PRKCE: variants seen among roughly 807,000 people sequenced by gnomAD.
PRKCE encodes protein kinase C epsilon type.
Under a neutral mutation model 85.4 loss-of-function variants are expected in PRKCE, and 16 were observed. The observed-to-expected ratio is 0.19, with a 90% CI of 0.13 to 0.28. The LOEUF (loss-of-function observed/expected upper bound fraction) is 0.28. Among genes scored for constraint, PRKCE ranks in the 10% least tolerant of loss-of-function variants. PRKCE has a pLI of 1.00. For missense variants in PRKCE, 573 were observed against 975.2 expected (o/e 0.59, Z 5.49); for synonymous variants, 388 against 371.5 (o/e 1.04, Z -0.51).
intron 1 of PRKCE, among the ~76,000 whole-genome samples, chr2:45,656,135 T>C (rs1044924974): frequency 6.6e-6 from 1 of 152,236 alleles, no homozygotes. Context: ...GCCTGTGCTT[T>C]CATTTACTTA....
At chr2:45,948,259 A>G (rs1242320525) in intron 2 of PRKCE, among the ~76,000 whole-genome samples, 1 of 152,268 alleles carries the variant, frequency 6.6e-6, no homozygotes, top group Non-Finnish European at 1.5e-5. Context: ...CAGAGCCTTT[A>G]AAAACATTGG....
At chr2:46,078,133 G>A (rs1014621705) in intron 10 of PRKCE, 1 of 152,150 alleles carries the variant, frequency 6.6e-6, no homozygotes, top group African/African-American at 2.4e-5. Flanking sequence ...ATGGAAATGG[G>A]GAAGAGAGAA....
intron 2 of PRKCE, among the ~76,000 whole-genome samples, chr2:45,882,814 C>T (rs1694979800): frequency 6.6e-6 from 1 of 152,240 alleles, no homozygotes; most frequent in Non-Finnish European, 1.5e-5. Context: ...CACGTGTTAC[C>T]TCCGAGTCTG....
chr2:45,793,046 G>T (rs1457798568), intron 1 of PRKCE, among the ~76,000 whole-genome samples: 1 of 152,184 alleles, frequency 6.6e-6, no homozygotes, highest in Non-Finnish European at 1.5e-5. Flanking sequence ...TGATCTGCCC[G>T]CCTTGGCCTC....
rs376392779 is a variant in PRKCE, at chr2:45,856,300, C to T, written c.412+13237C>T. Among the ~76,000 whole-genome samples the T allele has an allele frequency of 2.7e-4, 41 of 152,168 alleles. No homozygotes were observed. In the South Asian group the frequency reaches 3.3e-3, roughly 12 times the overall value. ...GGCTGGAGTGCAGTGGCACAGTCTC[C>T]GCTCACTGCAGCCTCTGCCTCTCAG... On this transcript the variant is annotated intron_variant, in intron 2 of 14. Coordinates refer to ENST00000306156, the MANE Select transcript of PRKCE (RefSeq NM_005400.3).
chr2:45,929,025 C>T lies in PRKCE; in HGVS notation c.413-47404C>T, dbSNP rs1197683674. Among the ~76,000 whole-genome samples, 10 of 152,314 alleles carry T rather than the reference C, an allele frequency of 6.6e-5. No homozygotes were observed. The East Asian group carries it at 1.4e-3, about 21-fold the overall frequency. ...AATTTGGAATTGTGCGTTCTTTCTT[C>T]TTTCCCCTTTTAGAAGGGATGGATT... On this transcript the variant is annotated intron_variant, in intron 2 of 14. Transcript: ENST00000306156.
chr2:45,752,608 G>C (rs1683669274), intron 1 of PRKCE, among the ~76,000 whole-genome samples: 1 of 151,944 alleles, frequency 6.6e-6, no homozygotes, highest in Non-Finnish European at 1.5e-5. Flanking sequence ...GATCTCCCTT[G>C]CTCAGCCAGA....
intron 1 of PRKCE, among the ~76,000 whole-genome samples, chr2:45,684,174 C>T (rs1677110586): frequency 6.6e-6 from 1 of 152,176 alleles, no homozygotes; most frequent in African/African-American, 2.4e-5. Context: ...GAAACCTGCT[C>T]CCAGGAGCTT....
intron 5 of PRKCE, among the ~76,000 whole-genome samples, chr2:45,983,601 C>T (rs1703070202): frequency 6.6e-6 from 1 of 152,156 alleles, no homozygotes. Flanking sequence ...CATCCTGTGA[C>T]ACTGGGTGGG....
chr2:45,934,066 C>T (rs2104095043), intron 2 of PRKCE, among the ~76,000 whole-genome samples: 1 of 152,242 alleles, frequency 6.6e-6, no homozygotes, highest in East Asian at 1.9e-4. Context: ...TCCTAACTGA[C>T]CTCTGCTGTC....
intron 1 of PRKCE, among the ~76,000 whole-genome samples, chr2:45,773,174 G>T (rs1251868942): frequency 6.6e-6 from 1 of 152,160 alleles, no homozygotes; most frequent in East Asian, 1.9e-4. Flanking sequence ...ATCCATGTTG[G>T]CTCCTGGGAC....
chr2:45,956,836 T>C (rs1701008683), intron 2 of PRKCE, among the ~76,000 whole-genome samples: 1 of 152,238 alleles, frequency 6.6e-6, no homozygotes, highest in African/African-American at 2.4e-5. Flanking sequence ...TTTTTAACAT[T>C]AGCATTCTAA....
intron 1 of PRKCE, among the ~76,000 whole-genome samples, chr2:45,732,079 G>A (rs1188473630): frequency 6.6e-6 from 1 of 152,112 alleles, no homozygotes; most frequent in East Asian, 1.9e-4. Context: ...AAATACAGAT[G>A]TCCTAGAGAA....
At chr2:46,105,013 C>A (rs1558459825) in intron 11 of PRKCE, among the ~76,000 whole-genome samples, 1 of 149,162 alleles carries the variant, frequency 6.7e-6, no homozygotes, top group Non-Finnish European at 1.5e-5. Context: ...TCTGTGACAT[C>A]TTCCTTTTTT....
rs1238919126 is a variant in PRKCE at position 46,149,810 on chromosome 2, CAT to C, written c.1732-1228_1732-1227del. ...GTGTGTGTGTATCATGTATTTATGA[CAT>C]ATGTGTATGGAGAGCAGATCAAATA... On this transcript the variant is annotated intron_variant, in intron 12 of 14. Transcript: ENST00000306156. Among the ~76,000 whole-genome samples the C allele has an allele frequency of 3.3e-5, 5 of 150,142 alleles. No individual in the cohort carries two copies. The South Asian group carries it at 1.1e-3, about 32-fold the overall frequency.
In PRKCE at chr2:46,086,211, C is replaced by T. The variant is rs377213484; in HGVS notation, c.1441C>T (p.Arg481Cys). 24 of 1,599,398 alleles carry T rather than the reference C, an allele frequency of 1.5e-5. 1 individual carries two copies. Among genetic ancestry groups the T allele is most frequent in the Non-Finnish European group, 1.9e-5 (22 of 1,179,874 alleles). ...QLYCCFQTKD[R>C]LFFVMEYVNG... Reference sequence around the variant, plus strand: ...GCATTTTCTTCTCTCCTTTCAGGACCGCCTCTTTTTCGTCATGGAATATGT... The same window carrying T: ...GCATTTTCTTCTCTCCTTTCAGGACTGCCTCTTTTTCGTCATGGAATATGT... Residue 481 changes from arginine (R) to cysteine (C), a missense_variant, in exon 11 of 15, where the codon CGC becomes TGC. This residue lies in a region of PRKCE where 89 missense variants were observed against 154.1 expected (regional missense o/e 0.58). Transcript: ENST00000306156.
intron 1 of PRKCE, among the ~76,000 whole-genome samples, chr2:45,781,638 C>T (rs1274045033): frequency 2.6e-5 from 4 of 152,112 alleles, no homozygotes; most frequent in African/African-American, 4.8e-5. Flanking sequence ...CCTCCACCCG[C>T]GCCCGCCCCC....
intron 14 of PRKCE, among the ~76,000 whole-genome samples, chr2:46,182,039 C>T (rs1209946598): frequency 1.3e-5 from 2 of 152,130 alleles, no homozygotes; most frequent in African/African-American, 4.8e-5. Flanking sequence ...TTGCCCTATT[C>T]CTTGACTCTC....
intron 1 of PRKCE, among the ~76,000 whole-genome samples, chr2:45,738,761 G>A (rs1682298554): frequency 6.6e-6 from 1 of 152,146 alleles, no homozygotes; most frequent in Non-Finnish European, 1.5e-5. Context: ...ACAGTTATTG[G>A]GCATTAAGAT....
Sources: allele counts gnomAD v4.1 joint callset (sites outside exome capture counted in the v4.1 genomes callset), GRCh38; gene constraint gnomAD v4.1.1; regional missense constraint gnomAD v4.1.1; transcripts MANE v1.5; gene names NCBI Gene and HGNC (gene_info 2026-07-23, HGNC 2026-07-21).